SLIT3: variants seen among roughly 807,000 people sequenced by gnomAD.
SLIT3 encodes the protein slit guidance ligand 3, also known as slit homolog 3 protein.
Under a neutral mutation model 184.0 loss-of-function variants are expected in SLIT3, and 68 were observed. The observed-to-expected ratio is 0.37, with a 90% CI of 0.30 to 0.45. The LOEUF (loss-of-function observed/expected upper bound fraction) is 0.45, where lower values mean the gene tolerates loss of function less well. SLIT3 is among the 20% of genes least tolerant of loss of function. The pLI is 1.00. For synonymous variants in SLIT3, 831 were observed against 828.6 expected, an observed-to-expected ratio of 1.00 and a Z score of -0.05; for missense variants, 1,707 against 2,026.0, an observed-to-expected ratio of 0.84 and a Z score of 3.02.
chr5:169,257,481 C>T (rs1458555131), intron 1 of SLIT3, among the ~76,000 whole-genome samples: 1 of 144,684 alleles, frequency 6.9e-6, no homozygotes, highest in Non-Finnish European at 1.5e-5. Flanking sequence ...TTTGTTATGG[C>T]AGTCTACGCT....
rs1581101892 is a variant in SLIT3 at position 168,806,373 on chromosome 5, T to A, written c.935+73A>T. 2.8e-5 allele frequency: 43 copies of A among 1,549,544 alleles called. 1 individual carries two copies. In the East Asian group the frequency reaches 9.3e-4, roughly 33 times the overall value. ...GCAGCCCCACACGCTGATGGCCTAG[T>A]GGGTGATGGGCTGGGACAGGGAGCT... On this transcript the variant is annotated intron_variant, in intron 9 of 35. Coordinates refer to ENST00000519560, the MANE Select transcript of SLIT3 (RefSeq NM_003062.4).
At chr5:169,191,939 T>C (rs297895) in intron 4 of SLIT3, among the ~76,000 whole-genome samples, 114,803 of 152,126 alleles carry the variant, frequency 0.75, 43,753 homozygotes, top group African/African-American at 0.84. Flanking sequence ...TGCCTTTAAA[T>C]TGATGCTTAT....
intron 5 of SLIT3, among the ~76,000 whole-genome samples, chr5:168,851,532 G>A (rs755461728): frequency 2.0e-4 from 30 of 152,146 alleles, no homozygotes; most frequent in East Asian, 9.7e-4. Context: ...TTAGACGAGG[G>A]GACCAAGGAA....
intron 4 of SLIT3, among the ~76,000 whole-genome samples, chr5:169,030,151 G>A (rs1027056891): frequency 6.6e-6 from 1 of 152,184 alleles, no homozygotes; most frequent in African/African-American, 2.4e-5. Context: ...TATTATTTAA[G>A]TCATTCTTGA....
At chr5:168,900,811 C>A (rs1287238955) in intron 4 of SLIT3, among the ~76,000 whole-genome samples, 1 of 152,106 alleles carries the variant, frequency 6.6e-6, no homozygotes, top group Admixed American at 6.6e-5. Context: ...TCTTTTGCAG[C>A]AACATGGATG....
At chr5:168,970,027 A>G (rs1358123141) in intron 4 of SLIT3, among the ~76,000 whole-genome samples, 1 of 152,170 alleles carries the variant, frequency 6.6e-6, no homozygotes, top group African/African-American at 2.4e-5. Context: ...TGAAAATACA[A>G]AAAATTAGCC....
At chr5:169,268,831 TA>T (rs1766496426) in intron 1 of SLIT3, among the ~76,000 whole-genome samples, 1 of 152,152 alleles carries the variant, frequency 6.6e-6, no homozygotes, top group Non-Finnish European at 1.5e-5. Flanking sequence ...AAATAACAAT[TA>T]ATAATGGTTT....
chr5:168,883,917 A>G (rs1029729684), intron 4 of SLIT3, among the ~76,000 whole-genome samples: 2 of 151,950 alleles, frequency 1.3e-5, no homozygotes, highest in Non-Finnish European at 2.9e-5. Flanking sequence ...ATAATTTCAA[A>G]TTGCATTTCC....
intron 25 of SLIT3, 122 bp from the exon 26 acceptor site, chr5:168,708,222 G>A: frequency 2.9e-6 from 4 of 1,361,492 alleles, no homozygotes; most frequent in Non-Finnish European, 4.1e-6. Flanking sequence ...TCCATGCCCA[G>A]ATGGCAGCTG....
Position 168,692,624 on chromosome 5 carries a change from G to A in SLIT3, c.3159C>T (p.Pro1053=), listed in dbSNP as rs1381899386. 1.9e-6 allele frequency: 3 copies of A among 1,613,666 alleles called. No homozygotes were observed. Among genetic ancestry groups the A allele is most frequent in the East Asian group, 4.5e-5 (2 of 44,882 alleles). The change falls in exon 29 of 36, where the codon CCC becomes CCT. Residue 1053 remains proline (P), a synonymous_variant. Transcript: ENST00000519560. The stretch of plus-strand genomic sequence containing the variant: ...GGTCTTACCTGAATCCTTTGTCCAG[G>A]GGGATGCACTTGGCCTCATGCTGAC... ...NLCQHEAKCI[P]LDKGFSCECV... is the part of the protein sequence containing the mutation.
chr5:169,138,108 TAGC>T (rs1274117670), intron 4 of SLIT3, among the ~76,000 whole-genome samples: 1 of 152,206 alleles, frequency 6.6e-6, no homozygotes, highest in Non-Finnish European at 1.5e-5. Flanking sequence ...AATGGGGCAA[TAGC>T]AGCAGATGCT....
chr5:169,170,950 G>T (rs1266136592), intron 4 of SLIT3, among the ~76,000 whole-genome samples: 1 of 152,128 alleles, frequency 6.6e-6, no homozygotes, highest in Non-Finnish European at 1.5e-5. Flanking sequence ...AGACATCATG[G>T]TTACCAACCA....
chr5:168,894,777 C>T (rs1760605054), intron 4 of SLIT3, among the ~76,000 whole-genome samples: 1 of 152,204 alleles, frequency 6.6e-6, no homozygotes, highest in African/African-American at 2.4e-5. Context: ...GTGTGCCTGA[C>T]AGCGTTTCAT....
chr5:169,132,917 T>C (rs1761359243), intron 4 of SLIT3, among the ~76,000 whole-genome samples: 1 of 152,264 alleles, frequency 6.6e-6, no homozygotes, highest in Non-Finnish European at 1.5e-5. Context: ...CATTTATTTT[T>C]TTGAAAAGAT....
At chr5:169,032,220 T>C (rs529317783) in intron 4 of SLIT3, among the ~76,000 whole-genome samples, 8 of 152,156 alleles carry the variant, frequency 5.3e-5, no homozygotes, top group Non-Finnish European at 1.0e-4. Flanking sequence ...ATTAACCATG[T>C]CCATATATAC....
At chr5:168,754,980 A>G (rs1754843218) in intron 16 of SLIT3, among the ~76,000 whole-genome samples, 1 of 152,214 alleles carries the variant, frequency 6.6e-6, no homozygotes, top group Non-Finnish European at 1.5e-5. Context: ...TGGAACTTCT[A>G]AGCTTTCTCA....
In SLIT3 at chr5:168,753,025, A is replaced by G; in HGVS notation, c.1903T>C (p.Ser635Pro). 6.2e-7 allele frequency: 1 copy of G among 1,613,904 alleles called. No individual in the cohort carries two copies. The highest frequency in any genetic ancestry group is 1.1e-5 in the South Asian group (1 of 91,062). ...GTGGTGATCCGATTGTCATAGAGGG[A>G]CAGCAGTCTCACCGAACTCAGGCCG... ...FAGLSSVRLL[S>P]LYDNRITTIT... Residue 635 changes from serine (S) to proline (P), a missense_variant, in exon 18 of 36, where the codon TCC becomes CCC. Physicochemically the swap from Ser to Pro is moderately conservative, Grantham distance 74 (BLOSUM62 -1). Around this residue, in one of 3 missense-constraint regions of SLIT3, gnomAD observed 1,307 missense variants for 1,511.6 expected, o/e 0.86. Coordinates refer to ENST00000519560, the MANE Select transcript of SLIT3 (RefSeq NM_003062.4).
chr5:168,704,320 G>A (rs1295249404), intron 26 of SLIT3, among the ~76,000 whole-genome samples: 1 of 138,728 alleles, frequency 7.2e-6, no homozygotes, highest in African/African-American at 3.5e-5. Context: ...GACCCTTTGT[G>A]AAGTATCTAC....
chr5:168,687,564 A>G (rs371378938), intron 29 of SLIT3, among the ~76,000 whole-genome samples: 327 of 152,288 alleles, frequency 2.1e-3, no homozygotes, highest in African/African-American at 7.6e-3. Context: ...GAGGACCCCC[A>G]CACCCCATCG....
Sources: allele counts gnomAD v4.1 joint callset (sites outside exome capture counted in the v4.1 genomes callset), GRCh38; gene constraint gnomAD v4.1.1; regional missense constraint gnomAD v4.1.1; transcripts MANE v1.5; gene names NCBI Gene and HGNC (gene_info 2026-07-23, HGNC 2026-07-21).